CEP85: variants seen among roughly 807,000 people sequenced by gnomAD.
The protein encoded by CEP85 is centrosomal protein 85.
Under a neutral mutation model 93.7 loss-of-function variants are expected in CEP85, and 58 were observed. The observed-to-expected ratio is 0.62, with a 90% CI of 0.50 to 0.77. The LOEUF (loss-of-function observed/expected upper bound fraction) is 0.77. CEP85 is among the 30% of genes least tolerant of loss of function. The probability of loss-of-function intolerance (pLI) is 0.00; values close to 1 mark genes in which losing one functional copy is unlikely to be tolerated. For synonymous variants in CEP85, 314 were observed against 338.6 expected, an observed-to-expected ratio of 0.93 and a Z score of 0.80; for missense variants, 868 against 922.0, an observed-to-expected ratio of 0.94 and a Z score of 0.76.
rs1193986508 is a variant in CEP85, at chr1:26,261,726, TA to T, written c.1341+1939del. On this transcript the variant is annotated intron_variant, in intron 7 of 13. Coordinates refer to ENST00000451429, the MANE Select transcript of CEP85 (RefSeq NM_001319944.2). ...CCTGAACAACATAGTGAGACTCTCT[TA>T]AAAAAAAAAAAAAATTTTTTTTTTC... Among the ~76,000 whole-genome samples the T allele has an allele frequency of 5.8e-3, 348 of 59,816 alleles. 4 individuals are homozygous for T. The highest frequency in any genetic ancestry group is 0.016 in the African/African-American group (290 of 18,122). 39.2% of individuals were successfully genotyped at this position (59,816 alleles called of 152,430 possible).
At chr1:26,248,305 A>G (rs1402942567) in intron 3 of CEP85, among the ~76,000 whole-genome samples, 3 of 152,352 alleles carry the variant, frequency 2.0e-5, no homozygotes, top group African/African-American at 7.2e-5. Flanking sequence ...TTTAAAATCA[A>G]TCAGTGGTCT....
chr1:26,245,687 T>G (rs1015248541), intron 3 of CEP85, among the ~76,000 whole-genome samples: 1 of 152,162 alleles, frequency 6.6e-6, no homozygotes, highest in African/African-American at 2.4e-5. Context: ...ATACTATAAA[T>G]TTTTTCTGTA....
chr1:26,265,307 T>G (rs1024066300), intron 7 of CEP85, among the ~76,000 whole-genome samples: 15 of 151,952 alleles, frequency 9.9e-5, no homozygotes, highest in African/African-American at 3.4e-4. Context: ...TTTATAGAGA[T>G]AGAGTTTTAC....
intron 3 of CEP85, chr1:26,254,890 C>CT (rs2089672024): frequency 2.5e-6 from 1 of 401,328 alleles, no homozygotes; most frequent in Non-Finnish European, 4.4e-6. Context: ...AGTTTTTCAG[C>CT]TTTGTCTGTT....
chr1:26,271,921 G>C, intron 10 of CEP85, 100 bp from the exon 11 acceptor site: 2 of 947,394 alleles, frequency 2.1e-6, no homozygotes, highest in Non-Finnish European at 3.4e-6. Flanking sequence ...ACTCTTAATG[G>C]TCTAATAGCC....
chr1:26,257,754 G>T, intron 5 of CEP85, 24 bp downstream of exon 5: 1 of 1,613,292 alleles, frequency 6.2e-7, no homozygotes, highest in Non-Finnish European at 8.5e-7. Context: ...GGGTACCACA[G>T]AGCCAGACTA....
intron 8 of CEP85, chr1:26,269,140 G>T: frequency 3.4e-6 from 1 of 293,646 alleles, no homozygotes; most frequent in Non-Finnish European, 6.5e-6. Flanking sequence ...CCACCACTCT[G>T]GCTCATAAAC....
chr1:26,237,004 A>C (rs147062006), intron 1 of CEP85, among the ~76,000 whole-genome samples: 80 of 152,258 alleles, frequency 5.3e-4, no homozygotes, highest in African/African-American at 1.9e-3. Flanking sequence ...ATAGATTATA[A>C]ATGTTTCTTA....
At chr1:26,264,392 G>A (rs954316736) in intron 7 of CEP85, among the ~76,000 whole-genome samples, 2 of 152,178 alleles carry the variant, frequency 1.3e-5, no homozygotes, top group African/African-American at 4.8e-5. Flanking sequence ...AATTAGCTGG[G>A]CATGGTGGTG....
Position 26,255,811 on chromosome 1 carries a change from C to T in CEP85, c.849C>T (p.Leu283=), listed in dbSNP as rs745647685. The T allele has an allele frequency of 6.2e-7, 1 of 1,613,614 alleles. No homozygotes were observed. Among genetic ancestry groups the T allele is most frequent in the Non-Finnish European group, 8.5e-7 (1 of 1,179,722 alleles). The change falls in exon 4 of 14, where the codon CTC becomes CTT. Residue 283 remains leucine (L), a synonymous_variant. Transcript: ENST00000451429. The part of the protein sequence containing the change: ...TWHPREQSCE[L]STCRQQLELI... ...ATCCCCGAGAGCAATCTTGTGAACT[C>T]AGCACTTGTCGGCAGCAGCTGGAAT...
chr1:26,241,101 T>C (rs1181531505), intron 2 of CEP85, among the ~76,000 whole-genome samples: 1 of 152,180 alleles, frequency 6.6e-6, no homozygotes. Flanking sequence ...GGGTATGTTT[T>C]ATTTAACTTT....
chr1:26,272,644 T>TTTG (rs1491567071), intron 11 of CEP85, among the ~76,000 whole-genome samples: 5 of 146,040 alleles, frequency 3.4e-5, no homozygotes, highest in Non-Finnish European at 6.0e-5. Flanking sequence ...TTTTTTTTTT[T>TTTG]GGAGACAGAG....
intron 7 of CEP85, among the ~76,000 whole-genome samples, chr1:26,262,277 C>T (rs1436097861): frequency 6.6e-6 from 1 of 151,754 alleles, no homozygotes; most frequent in Non-Finnish European, 1.5e-5. Context: ...ACTGCACTTC[C>T]AGCCTGGCAA....
intron 9 of CEP85, 64 bp downstream of exon 9, chr1:26,269,678 C>T (rs1570038596): frequency 5.3e-6 from 7 of 1,320,292 alleles, no homozygotes; most frequent in Middle Eastern, 2.0e-4. Context: ...CCATCCTGCT[C>T]ACTTACCTGT....
chr1:26,270,898 C>T, intron 9 of CEP85, 116 bp from the exon 10 acceptor site: 1 of 656,212 alleles, frequency 1.5e-6, no homozygotes, highest in East Asian at 2.7e-5. Context: ...AGTATTATCC[C>T]CAGCTACTGC....
chr1:26,257,762 C>G (rs1261482335), intron 5 of CEP85, 32 bp downstream of exon 5: 2 of 1,612,228 alleles, frequency 1.2e-6, no homozygotes, highest in African/African-American at 2.7e-5. Flanking sequence ...CAGAGCCAGA[C>G]TACTCTCCCA....
intron 11 of CEP85, chr1:26,272,341 G>C (rs2089987291): frequency 2.2e-6 from 1 of 451,476 alleles, no homozygotes; most frequent in East Asian, 3.5e-5. Flanking sequence ...GAGGTTTCTG[G>C]AGATCCTGAA....
At chr1:26,260,814 G>A (rs1412036520) in intron 7 of CEP85, among the ~76,000 whole-genome samples, 8 of 148,850 alleles carry the variant, frequency 5.4e-5, no homozygotes, top group Admixed American at 4.7e-4. Context: ...TTTTTGAGAT[G>A]GAATTTCGCT....
intron 3 of CEP85, among the ~76,000 whole-genome samples, chr1:26,246,297 A>G (rs1019387812): frequency 5.3e-5 from 8 of 152,212 alleles, no homozygotes; most frequent in African/African-American, 1.9e-4. Flanking sequence ...TTGTACATAA[A>G]TGTTGGTAGC....
Sources: gnomAD v4.1 joint callset for allele counts (sites outside exome capture counted in the v4.1 genomes callset) on GRCh38, gnomAD v4.1.1 for gene constraint, MANE v1.5 for transcripts, NCBI Gene and HGNC (gene_info 2026-07-23, HGNC 2026-07-21) for gene names.